ADCYAP1R1: variants seen among roughly 807,000 people sequenced by gnomAD.
ADCYAP1R1 encodes the protein pituitary adenylate cyclase-activating polypeptide type I receptor.
In ADCYAP1R1, 44 loss-of-function variants were observed where a neutral mutation model predicts 67.6. The ratio of observed to expected loss-of-function variants is 0.65; its 90% CI spans 0.51 to 0.84. The LOEUF (loss-of-function observed/expected upper bound fraction) is 0.84, where lower values mean the gene tolerates loss of function less well. Among genes scored for constraint, ADCYAP1R1 ranks in the 40% least tolerant of loss-of-function variants. The probability of loss-of-function intolerance (pLI) is 0.00; values close to 1 mark genes in which losing one functional copy is unlikely to be tolerated. For synonymous variants in ADCYAP1R1, 222 were observed against 219.6 expected, an observed-to-expected ratio of 1.01 and a Z score of -0.10; for missense variants, 477 against 587.9, an observed-to-expected ratio of 0.81 and a Z score of 1.95.
chr7:31,091,318 CT>C (rs1293883067), intron 12 of ADCYAP1R1, among the ~76,000 whole-genome samples: 1 of 152,088 alleles, frequency 6.6e-6, no homozygotes, highest in African/African-American at 2.4e-5. Context: ...GATATTAGAC[CT>C]TTGTTGGATG....
rs1315358219 is a variant in ADCYAP1R1 at position 31,087,647 on chromosome 7, G to A, written c.905G>A (p.Ser302Asn). 1 of 1,614,078 alleles carries A rather than the reference G, an allele frequency of 6.2e-7. No homozygotes were observed. The highest frequency in any genetic ancestry group is 8.5e-7 in the Non-Finnish European group (1 of 1,179,982). Residue 302 changes from serine (S) to asparagine (N), a missense_variant, in exon 12 of 16, where the codon AGC (serine) becomes AAC (asparagine). Transcript: ENST00000304166. ...TTCAGCTGCTGGGATATGAATGACA[G>A]CACAGCTCTGTGGTGGGTGATCAAA... is the stretch of plus-strand genomic sequence containing the variant. ...DDTGCWDMNDSTALWWVIKGP... is the reference protein window; with the variant it reads ...DDTGCWDMNDNTALWWVIKGP...
At chr7:31,088,694 G>C (rs966688223) in intron 12 of ADCYAP1R1, among the ~76,000 whole-genome samples, 3 of 152,104 alleles carry the variant, frequency 2.0e-5, no homozygotes, top group African/African-American at 4.8e-5. Context: ...TTTGGTTCCA[G>C]ACTTTCTATT....
At chr7:31,058,863 C>A (rs1794372789) in intron 1 of ADCYAP1R1, among the ~76,000 whole-genome samples, 1 of 152,082 alleles carries the variant, frequency 6.6e-6, no homozygotes, top group Non-Finnish European at 1.5e-5. Flanking sequence ...TACTTCCCAG[C>A]CCTACCAGGG....
intron 8 of ADCYAP1R1, 30 bp downstream of exon 8, chr7:31,084,864 A>G (rs775156065): frequency 1.9e-6 from 3 of 1,601,492 alleles, no homozygotes; most frequent in Non-Finnish European, 2.6e-6. Context: ...TCAAGCAAGC[A>G]CCAGAGCTGG....
At chr7:31,058,242 G>A (rs57465146) in intron 1 of ADCYAP1R1, among the ~76,000 whole-genome samples, 1 of 152,124 alleles carries the variant, frequency 6.6e-6, no homozygotes, top group South Asian at 2.1e-4. Flanking sequence ...ATGGCTGGAG[G>A]GTCTCTGAGT....
chr7:31,060,488 AGTGTGTGTGTGTG>A (rs953564904), intron 1 of ADCYAP1R1, among the ~76,000 whole-genome samples: 10 of 149,366 alleles, frequency 6.7e-5, no homozygotes, highest in African/African-American at 2.3e-4. Flanking sequence ...TCTGTGAAGG[AGTGTGTGTGTGTG>A]GTGTGTGTGT....
At chr7:31,054,014 G>C (rs1393076081) in intron 1 of ADCYAP1R1, among the ~76,000 whole-genome samples, 9 of 152,188 alleles carry the variant, frequency 5.9e-5, no homozygotes, top group African/African-American at 1.7e-4. Flanking sequence ...TTGGTGCTGG[G>C]TACAAGTAGC....
At chr7:31,065,769 T>C (rs950391854) in intron 3 of ADCYAP1R1, among the ~76,000 whole-genome samples, 5 of 152,178 alleles carry the variant, frequency 3.3e-5, no homozygotes, top group African/African-American at 4.8e-5. Flanking sequence ...TTTGCCTTAA[T>C]CGTTGAAGGA....
intron 15 of ADCYAP1R1, 79 bp from the exon 16 acceptor site, chr7:31,106,417 A>G: frequency 6.7e-7 from 1 of 1,482,744 alleles, no homozygotes; most frequent in Admixed American, 2.3e-5. Flanking sequence ...CAGCCTGGGA[A>G]GGGCCCCAGG....
rs147848040 is a variant in ADCYAP1R1, at chr7:31,084,914, C to T, written c.536+80C>T. On this transcript the variant is annotated intron_variant, in intron 8 of 15. Transcript: ENST00000304166. ...GCCTTGGTGCATCTCTCCCCTCCCC[C>T]CTTGATGTCAGCCCTAGAAGACCCC... The T allele has an allele frequency of 3.7e-5, 48 of 1,303,970 alleles. 1 individual carries two copies. In the Admixed American group the frequency reaches 4.4e-4, roughly 12 times the overall value. 80.8% of individuals were successfully genotyped at this position (1,303,970 alleles called of 1,614,324 possible). A position where few individuals can be genotyped will look rare whatever the true frequency, so the allele number is the denominator to read the frequency against.
At chr7:31,088,837 C>T (rs1048128976) in intron 12 of ADCYAP1R1, among the ~76,000 whole-genome samples, 7 of 152,108 alleles carry the variant, frequency 4.6e-5, no homozygotes, top group Admixed American at 3.3e-4. Flanking sequence ...TTTCCTTGCA[C>T]GTTTACTGTT....
intron 3 of ADCYAP1R1, among the ~76,000 whole-genome samples, chr7:31,076,815 G>A (rs185353035): frequency 2.0e-5 from 3 of 152,146 alleles, no homozygotes; most frequent in Non-Finnish European, 4.4e-5. Context: ...CGGATGGGGG[G>A]CCCTGCTGAG....
chr7:31,087,573 T>C, intron 11 of ADCYAP1R1, 54 bp from the exon 12 acceptor site: 1 of 1,554,102 alleles, frequency 6.4e-7, no homozygotes, highest in Non-Finnish European at 8.9e-7. Flanking sequence ...TCCCGCAGGC[T>C]TCTATGCTGC....
chr7:31,081,836 C>T, intron 6 of ADCYAP1R1, 82 bp downstream of exon 6: 5 of 1,177,296 alleles, frequency 4.2e-6, no homozygotes, highest in Non-Finnish European at 6.1e-6. Flanking sequence ...AACCCCATCC[C>T]AGGCTGGGCT....
rs375886816 is a variant in ADCYAP1R1 at position 31,084,169 on chromosome 7, G to A, written c.357G>A (p.Thr119=). ...TGGGAGTGGTGAGCCGGAACTGCAC[G>A]GAGGATGGCTGGTCGGAACCCTTCC... ...SDMGVVSRNC[T]EDGWSEPFPH... is the part of the protein sequence containing the mutation. The change falls in exon 7 of 16, where the codon ACG becomes ACA. Residue 119 remains threonine (T), a synonymous_variant. Coordinates refer to ENST00000304166, the MANE Select transcript of ADCYAP1R1 (RefSeq NM_001118.5). 1.3e-4 allele frequency: 216 copies of A among 1,614,042 alleles called. 1 individual carries two copies. Among genetic ancestry groups the A allele is most frequent in the Middle Eastern group, 6.6e-4 (4 of 6,084 alleles).
chr7:31,106,722 G>A lies in ADCYAP1R1; in HGVS notation c.*38G>A. ...TCCTCCTCCTCTCCTCCATCCACAG[G>A]CTGGGACCGCAGGCAGGTGCCAGCC... On this transcript the variant is annotated 3_prime_UTR_variant, in exon 16 of 16. Transcript: ENST00000304166. 2 of 1,547,254 alleles carry A rather than the reference G, an allele frequency of 1.3e-6. No individual in the cohort carries two copies. The highest frequency in any genetic ancestry group is 1.4e-5 in the African/African-American group (1 of 73,168).
At chr7:31,094,917 T>A (rs1364875243) in intron 13 of ADCYAP1R1, among the ~76,000 whole-genome samples, 1 of 151,470 alleles carries the variant, frequency 6.6e-6, no homozygotes, top group African/African-American at 2.4e-5. Flanking sequence ...TTAGAGAAAG[T>A]CAAACCTCTG....
intron 11 of ADCYAP1R1, among the ~76,000 whole-genome samples, chr7:31,087,317 G>T (rs1381632183): frequency 6.6e-6 from 1 of 152,228 alleles, no homozygotes; most frequent in Non-Finnish European, 1.5e-5. Context: ...CACATCCTAA[G>T]AGCTGTAGGT....
chr7:31,077,676 AGTGGTGT>A (rs1401388088), intron 3 of ADCYAP1R1, among the ~76,000 whole-genome samples: 3 of 90,776 alleles, frequency 3.3e-5, no homozygotes, highest in Non-Finnish European at 6.7e-5. Flanking sequence ...TGTATGTGTG[AGTGGTGT>A]GTGGTGTGTG....
Sources: allele counts gnomAD v4.1 joint callset (sites outside exome capture counted in the v4.1 genomes callset), GRCh38; gene constraint gnomAD v4.1.1; transcripts MANE v1.5; gene names NCBI Gene and HGNC (gene_info 2026-07-23, HGNC 2026-07-21).